The following ROBO1 variants were observed in gnomAD, a reference collection of about 807,000 sequenced individuals.
ROBO1 encodes roundabout guidance receptor 1, also known as roundabout homolog 1.
Under a neutral mutation model 195.9 loss-of-function variants are expected in ROBO1, and 149 were observed. That is an observed-to-expected ratio of 0.76 (90% CI 0.67 to 0.87). The LOEUF (loss-of-function observed/expected upper bound fraction) is 0.87, where lower values mean the gene tolerates loss of function less well. Ranked by LOEUF, ROBO1 falls within the 40% of genes least tolerant of loss-of-function variation. The pLI is 0.00. For missense variants in ROBO1, 1,933 were observed against 2,068.3 expected (o/e 0.93, Z 1.27); for synonymous variants, 816 against 733.2 (o/e 1.11, Z -1.82).
At chr3:79,156,563 T>G (rs1026911285) in intron 2 of ROBO1, among the ~76,000 whole-genome samples, 1 of 151,830 alleles carries the variant, frequency 6.6e-6, no homozygotes, top group East Asian at 1.9e-4. Context: ...CTGGCAGCAA[T>G]TCAGTTTGGT....
chr3:79,452,929 A>G (rs1335515067), intron 2 of ROBO1, among the ~76,000 whole-genome samples: 1 of 151,924 alleles, frequency 6.6e-6, no homozygotes, highest in Non-Finnish European at 1.5e-5. Context: ...GAAGTTTTGT[A>G]CAAAAAGGGA....
chr3:78,740,074 G>A (rs2082487882), intron 5 of ROBO1, among the ~76,000 whole-genome samples: 1 of 152,144 alleles, frequency 6.6e-6, no homozygotes, highest in African/African-American at 2.4e-5. Flanking sequence ...ATTGTTGGCA[G>A]GATTAAATGG....
chr3:79,097,523 A>T (rs2079592719), intron 3 of ROBO1, among the ~76,000 whole-genome samples: 1 of 151,860 alleles, frequency 6.6e-6, no homozygotes, highest in Non-Finnish European at 1.5e-5. Flanking sequence ...TTGTGTATGG[A>T]AAACTAAATT....
chr3:79,390,769 A>G (rs1375012281), intron 2 of ROBO1, among the ~76,000 whole-genome samples: 2 of 152,102 alleles, frequency 1.3e-5, no homozygotes, highest in Non-Finnish European at 2.9e-5. Flanking sequence ...AATCAAACTT[A>G]GGAGAAAAAT....
intron 4 of ROBO1, among the ~76,000 whole-genome samples, chr3:78,837,059 TA>T (rs1328926099): frequency 6.6e-6 from 1 of 152,144 alleles, no homozygotes; most frequent in Non-Finnish European, 1.5e-5. Context: ...AAAAACAATA[TA>T]AAATGGATAT....
At chr3:79,030,720 T>A (rs940864068) in intron 3 of ROBO1, among the ~76,000 whole-genome samples, 4 of 152,148 alleles carry the variant, frequency 2.6e-5, no homozygotes, top group Admixed American at 2.0e-4. Flanking sequence ...TTTTCCAATA[T>A]GTTATTTATT....
chr3:79,373,021 A>C (rs921716655), intron 2 of ROBO1, among the ~76,000 whole-genome samples: 2 of 152,156 alleles, frequency 1.3e-5, no homozygotes, highest in Admixed American at 1.3e-4. Context: ...AGTGAACCAG[A>C]AAACACATTT....
chr3:79,743,561 T>C (rs772006531), intron 1 of ROBO1, among the ~76,000 whole-genome samples: 1 of 152,210 alleles, frequency 6.6e-6, no homozygotes, highest in Non-Finnish European at 1.5e-5. Flanking sequence ...ATTCTTTCTT[T>C]ACTAATAAAT....
At chr3:78,913,394 C>G (rs1420085151) in intron 4 of ROBO1, among the ~76,000 whole-genome samples, 1 of 152,000 alleles carries the variant, frequency 6.6e-6, no homozygotes, top group Non-Finnish European at 1.5e-5. Flanking sequence ...ACCAGTGCCT[C>G]TTTTGCTTAG....
intron 4 of ROBO1, among the ~76,000 whole-genome samples, chr3:78,901,844 C>A (rs1169464986): frequency 6.6e-6 from 1 of 152,276 alleles, no homozygotes; most frequent in South Asian, 2.1e-4. Context: ...AGAGTGGCTA[C>A]TTTTTCCATT....
intron 2 of ROBO1, among the ~76,000 whole-genome samples, chr3:79,154,531 A>G (rs911606798): frequency 6.6e-5 from 10 of 151,778 alleles, no homozygotes; most frequent in African/African-American, 2.4e-4. Flanking sequence ...GAAACAACTC[A>G]CATTTAACCT....
chr3:78,762,478 C>G (rs1410717071), intron 4 of ROBO1, among the ~76,000 whole-genome samples: 1 of 151,804 alleles, frequency 6.6e-6, no homozygotes, highest in Non-Finnish European at 1.5e-5. Flanking sequence ...TTCAGTGTTA[C>G]AAAAGGGAAA....
intron 2 of ROBO1, among the ~76,000 whole-genome samples, chr3:79,214,370 G>A (rs1042108946): frequency 6.6e-6 from 1 of 152,070 alleles, no homozygotes; most frequent in Non-Finnish European, 1.5e-5. Context: ...CAAATGTTGG[G>A]TCACATAACC....
rs866847316 is a variant in ROBO1 at position 78,761,897 on chromosome 3, C to A, written c.500-14997G>T. Among the ~76,000 whole-genome samples, 8 of 151,980 alleles carry A rather than the reference C, an allele frequency of 5.3e-5. No individual in the cohort carries two copies. In the South Asian group the frequency reaches 1.4e-3, roughly 28 times the overall value. Reference sequence around the variant, plus strand: ...ATGTTGTAACTAGCTTCCTATCAGCCAAATAATTCTTTCTCACATTGTAAA... The same window carrying A: ...ATGTTGTAACTAGCTTCCTATCAGCAAAATAATTCTTTCTCACATTGTAAA... On this transcript the variant is annotated intron_variant, in intron 4 of 30. Coordinates refer to ENST00000464233, the MANE Select transcript of ROBO1 (RefSeq NM_002941.4).
chr3:79,008,849 G>A (rs1054605712), intron 3 of ROBO1, among the ~76,000 whole-genome samples: 5 of 144,714 alleles, frequency 3.5e-5, no homozygotes, highest in Admixed American at 1.4e-4. Flanking sequence ...TCAATCTCCC[G>A]AAGTACTAAG....
At chr3:79,373,988 A>G (rs2036293796) in intron 2 of ROBO1, among the ~76,000 whole-genome samples, 1 of 152,304 alleles carries the variant, frequency 6.6e-6, no homozygotes, top group Admixed American at 6.5e-5. Context: ...TGATAGGACC[A>G]TAATTGTTAT....
At chr3:79,008,312 T>G (rs149102596) in intron 3 of ROBO1, among the ~76,000 whole-genome samples, 7 of 152,268 alleles carry the variant, frequency 4.6e-5, no homozygotes, top group African/African-American at 1.4e-4. Context: ...GCCTGAAACA[T>G]TCCTTAAAGT....
intron 2 of ROBO1, among the ~76,000 whole-genome samples, chr3:79,241,664 GTAAA>G (rs1303122906): frequency 2.0e-5 from 3 of 150,294 alleles, no homozygotes; most frequent in African/African-American, 7.3e-5. Flanking sequence ...CAATATTTGT[GTAAA>G]TATAGATAAC....
intron 1 of ROBO1, among the ~76,000 whole-genome samples, chr3:79,607,466 A>T (rs1944524362): frequency 6.6e-6 from 1 of 151,742 alleles, no homozygotes; most frequent in Admixed American, 6.6e-5. Flanking sequence ...TAAGGGTATC[A>T]TTACTGTATT....
Sources: gnomAD v4.1 joint callset for allele counts (sites outside exome capture counted in the v4.1 genomes callset) on GRCh38, gnomAD v4.1.1 for gene constraint, MANE v1.5 for transcripts, NCBI Gene and HGNC (gene_info 2026-07-23, HGNC 2026-07-21) for gene names.